Variants in ZNF638 observed in about 807,000 individuals in gnomAD.
ZNF638 encodes the protein CTCL tumor antigen se33-1.
A neutral mutation model predicts 195.6 loss-of-function variants in ZNF638; 46 were observed. That is an observed-to-expected ratio of 0.24 (90% CI 0.19 to 0.30). The LOEUF (loss-of-function observed/expected upper bound fraction) is 0.30, where lower values mean the gene tolerates loss of function less well. ZNF638 is among the 10% of genes least tolerant of loss of function. The probability of loss-of-function intolerance (pLI) is 1.00; values close to 1 mark genes in which losing one functional copy is unlikely to be tolerated. For missense variants in ZNF638, 2,440 were observed against 2,325.3 expected, an observed-to-expected ratio of 1.05 and a Z score of -1.01; for synonymous variants, 845 against 772.0, an observed-to-expected ratio of 1.09 and a Z score of -1.57.
intron 2 of ZNF638, among the ~76,000 whole-genome samples, chr2:71,352,508 A>G (rs1333208875): frequency 9.2e-5 from 14 of 151,392 alleles, no homozygotes; most frequent in African/African-American, 2.7e-4. Context: ...AAAAAAAAAA[A>G]AAGAAGAGGA....
intron 10 of ZNF638, among the ~76,000 whole-genome samples, chr2:71,389,346 T>C (rs1022342107): frequency 6.6e-6 from 1 of 152,166 alleles, no homozygotes; most frequent in Non-Finnish European, 1.5e-5. Flanking sequence ...TTTTGACGCT[T>C]ATAAAGATAA....
At chr2:71,380,786 G>C (rs1166519470) in intron 10 of ZNF638, 3 of 391,448 alleles carry the variant, frequency 7.7e-6, no homozygotes. Flanking sequence ...GATAATGTAT[G>C]TGAAATAGCT....
chr2:71,422,681 AT>A (rs2080456538), intron 21 of ZNF638, 132 bp from the exon 22 acceptor site: 7 of 873,104 alleles, frequency 8.0e-6, no homozygotes, highest in Admixed American at 2.9e-5. Context: ...CCCAGTGCTT[AT>A]TACGAATGCA....
intron 5 of ZNF638, among the ~76,000 whole-genome samples, chr2:71,364,618 CACAA>C (rs1369291029): frequency 6.6e-6 from 1 of 152,152 alleles, no homozygotes; most frequent in African/African-American, 2.4e-5. Context: ...TGCCCACATA[CACAA>C]ACACACACCT....
At position 71,355,747 on chromosome 2, in the gene ZNF638, C is replaced by G; in HGVS notation, c.1346C>G (p.Thr449Ser). 6.3e-7 allele frequency: 1 copy of G among 1,599,370 alleles called. No homozygotes were observed. The highest frequency in any genetic ancestry group is 8.5e-7 in the Non-Finnish European group (1 of 1,173,100). The part of the protein sequence containing the change: ...KDWIQHQNTS[T>S]HIESCRQLRQ... Reference sequence around the variant, plus strand: ...TGGATTCAGCATCAAAATACATCTACTCATATTGAGAGCTGTCGACAGTTA... The same window carrying G: ...TGGATTCAGCATCAAAATACATCTAGTCATATTGAGAGCTGTCGACAGTTA... The change falls in exon 3 of 28, where the codon ACT (threonine) becomes AGT (serine). Residue 449 changes from threonine (T) to serine (S), a missense_variant. Around this residue, in one of 5 missense-constraint regions of ZNF638, gnomAD observed 37 missense variants for 75.7 expected, o/e 0.49. Coordinates refer to ENST00000264447, the MANE Select transcript of ZNF638 (RefSeq NM_014497.5).
In ZNF638 at chr2:71,426,657, A is replaced by G. The variant is rs774613990; in HGVS notation, c.4788A>G (p.Leu1596=). ...TSTPRGVEGE[L]SFVTLDEIGE... ...CTCCTCGTGGTGTTGAGGGAGAACT[A>G]TCTTTTGTGACATTGGATGAGATTG... The change falls in exon 24 of 28, where the codon CTA becomes CTG. Residue 1596 remains leucine, a synonymous_variant. Coordinates refer to ENST00000264447, the MANE Select transcript of ZNF638 (RefSeq NM_014497.5). The G allele has an allele frequency of 5.0e-6, 8 of 1,614,088 alleles. No homozygotes were observed. The highest frequency in any genetic ancestry group is 1.6e-4 in the Middle Eastern group (1 of 6,084).
intron 10 of ZNF638, among the ~76,000 whole-genome samples, chr2:71,388,230 G>T (rs2079685017): frequency 6.6e-6 from 1 of 152,206 alleles, no homozygotes; most frequent in South Asian, 2.1e-4. Context: ...TTACCCTGAG[G>T]CTAAGGGCAA....
Position 71,350,224 on chromosome 2 carries a change from T to C in ZNF638, c.1270T>C (p.Phe424Leu). ...TTATTATGCAGCATCTCCAAGAATA[T>C]TTCCACATTTGTGTTCTCTGTGTAA... ...NDYYAASPRI[F>L]PHLCSLCNVE... The change falls in exon 2 of 28, where the codon TTT (phenylalanine) becomes CTT (leucine). Residue 424 changes from phenylalanine to leucine, a missense_variant. Coordinates refer to ENST00000264447, the MANE Select transcript of ZNF638 (RefSeq NM_014497.5). 1.9e-6 allele frequency: 3 copies of C among 1,605,090 alleles called. No homozygotes were observed. Among genetic ancestry groups the C allele is most frequent in the Non-Finnish European group, 2.5e-6 (3 of 1,179,964 alleles).
At position 71,349,707 on chromosome 2, in the gene ZNF638, T is replaced by C. The variant is rs1178023409; in HGVS notation, c.753T>C (p.Ser251=). The C allele has an allele frequency of 6.2e-7, 1 of 1,614,124 alleles. No homozygotes were observed. Among genetic ancestry groups the C allele is most frequent in the Non-Finnish European group, 8.5e-7 (1 of 1,180,048 alleles). ...EFQSQQNISA[S]VPNPNVICNS... is the part of the protein sequence containing the mutation. ...AGTCACAGCAGAACATTTCTGCATC[T>C]GTTCCCAATCCAAATGTGATATGTA... The change falls in exon 2 of 28, where the codon TCT becomes TCC. Residue 251 remains serine (S), a synonymous_variant. Transcript: ENST00000264447.
chr2:71,332,245 C>G (rs563402190), intron 1 of ZNF638, among the ~76,000 whole-genome samples: 44 of 152,344 alleles, frequency 2.9e-4, no homozygotes, highest in African/African-American at 1.0e-3. Flanking sequence ...CCCGGCCTGC[C>G]GAGGCTGCGC....
chr2:71,414,025 G>A (rs372543542), intron 20 of ZNF638, among the ~76,000 whole-genome samples: 8 of 129,628 alleles, frequency 6.2e-5, no homozygotes, highest in African/African-American at 8.6e-5. Context: ...CTCTTTTTCT[G>A]TTGATTGGAA....
intron 11 of ZNF638, among the ~76,000 whole-genome samples, chr2:71,398,411 T>C (rs187480972): frequency 5.6e-4 from 85 of 152,276 alleles, no homozygotes; most frequent in Non-Finnish European, 9.7e-4. Context: ...TCAGCAGCAC[T>C]CGGGGTTTCA....
At chr2:71,419,047 G>C (rs2080365292) in intron 21 of ZNF638, among the ~76,000 whole-genome samples, 1 of 152,042 alleles carries the variant, frequency 6.6e-6, no homozygotes, top group Admixed American at 6.6e-5. Context: ...TGTGTGTTTT[G>C]ATACTTTTTA....
Position 71,394,859 on chromosome 2 carries a change from G to T in ZNF638, c.2378-1282G>T, listed in dbSNP as rs548455075. On this transcript the variant is annotated intron_variant, in intron 10 of 27. Coordinates refer to ENST00000264447, the MANE Select transcript of ZNF638 (RefSeq NM_014497.5). ...TCTTACAGCAGGGTACAAATCAAAA[G>T]GTTCTTGCACATCTGCAAGCCCTCG... Among the ~76,000 whole-genome samples, 21 of 152,220 alleles carry T rather than the reference G, an allele frequency of 1.4e-4. No individual in the cohort carries two copies. In the South Asian group the frequency reaches 4.2e-3, roughly 30 times the overall value.
intron 10 of ZNF638, chr2:71,395,162 C>T (rs2079866086): frequency 2.8e-6 from 2 of 710,922 alleles, no homozygotes; most frequent in Admixed American, 2.0e-5. Flanking sequence ...AAGAACATCT[C>T]TCCTGGATAG....
rs1328961995 is a variant in ZNF638 at position 71,349,657 on chromosome 2, A to C, written c.703A>C (p.Thr235Pro). 1 of 1,614,156 alleles carries C rather than the reference A, an allele frequency of 6.2e-7. No homozygotes were observed. Among genetic ancestry groups the C allele is most frequent in the Non-Finnish European group, 8.5e-7 (1 of 1,180,022 alleles). Residue 235 changes from threonine (T) to proline (P), a missense_variant, in exon 2 of 28, where the codon ACT becomes CCT. Thr to Pro is a conservative substitution (Grantham distance 38, BLOSUM62 -1). This residue lies in a region of ZNF638 where 305 missense variants were observed against 283.6 expected (regional missense o/e 1.08). Coordinates refer to ENST00000264447, the MANE Select transcript of ZNF638 (RefSeq NM_014497.5). ...EVRIYDPEIP[T>P]DEVENEFQSQ... is the part of the protein sequence containing the mutation. ...ACGTATTTATGATCCTGAAATTCCAACTGATGAGGTCGAGAATGAATTTCA... is the reference window on the plus strand; with the variant it reads ...ACGTATTTATGATCCTGAAATTCCACCTGATGAGGTCGAGAATGAATTTCA...
At position 71,331,831 on chromosome 2, in the gene ZNF638, G is replaced by T. The variant is rs564483168; in HGVS notation, c.-247G>T. On this transcript the variant is annotated 5_prime_UTR_variant, in exon 1 of 28. Coordinates refer to ENST00000264447, the MANE Select transcript of ZNF638 (RefSeq NM_014497.5). ...GAGACTGGAGGCTGAGTGCTAAACT[G>T]TGTGGGGCGCGGATGGGATCCAGCT... 3.1e-5 allele frequency: 31 copies of T among 986,272 alleles called. No individual in the cohort carries two copies. Among genetic ancestry groups the T allele is most frequent in the Non-Finnish European group, 3.6e-5 (30 of 830,252 alleles). The allele number at this position is 986,272 out of a possible 1,614,324, so 61.1% of individuals were successfully genotyped here.
At chr2:71,429,677 G>A (rs2080616629) in intron 25 of ZNF638, among the ~76,000 whole-genome samples, 1 of 152,130 alleles carries the variant, frequency 6.6e-6, no homozygotes, top group South Asian at 2.1e-4. Context: ...ATTTCCCATG[G>A]AACTGAATGT....
chr2:71,377,559 C>T (rs1339147313), intron 8 of ZNF638, among the ~76,000 whole-genome samples: 2 of 152,170 alleles, frequency 1.3e-5, no homozygotes, highest in Non-Finnish European at 2.9e-5. Context: ...GAGAGGTTTT[C>T]ATTTTAATTC....
Sources: allele counts gnomAD v4.1 joint callset (sites outside exome capture counted in the v4.1 genomes callset), GRCh38; gene constraint gnomAD v4.1.1; regional missense constraint gnomAD v4.1.1; transcripts MANE v1.5; gene names NCBI Gene and HGNC (gene_info 2026-07-23, HGNC 2026-07-21).